MEIOSIN: variants seen among roughly 807,000 people sequenced by gnomAD.
The protein encoded by MEIOSIN is meiosis initiator protein.
MEIOSIN carries 18 observed loss-of-function variants against 23.4 expected under a neutral mutation model. The ratio of observed to expected loss-of-function variants is 0.77; its 90% CI spans 0.53 to 1.14. MEIOSIN has a LOEUF of 1.14. Among genes scored for constraint, MEIOSIN ranks in the 50% most tolerant of loss-of-function variants. MEIOSIN has a pLI of 0.00. For missense variants in MEIOSIN, 428 were observed against 242.9 expected, an observed-to-expected ratio of 1.76 and a Z score of -5.07; for synonymous variants, 187 against 100.6, an observed-to-expected ratio of 1.86 and a Z score of -5.14.
chr19:45,759,046 C>T lies in MEIOSIN; in HGVS notation c.1168+13C>T. 1 of 703,034 alleles carries T rather than the reference C, an allele frequency of 1.4e-6. No individual in the cohort carries two copies. Among genetic ancestry groups the T allele is most frequent in the South Asian group, 1.5e-5 (1 of 67,600 alleles). The allele number at this position is 703,034 out of a possible 1,614,324, so 43.5% of individuals were successfully genotyped here. On this transcript the variant is annotated intron_variant, in intron 10 of 14. Transcript: ENST00000457052. ...TACCTGACCCAAGGTGAGGCCCAGG[C>T]CTGGCCCTGATGCTTAGTTCATTCG...
chr19:45,761,730 C>G lies in MEIOSIN; in HGVS notation c.1297C>G (p.Arg433Gly), dbSNP rs536926335. ...CCCTCCTGAGTCCCACAGCCTGCAC[C>G]GGTCCTCAGTCTCGCTGGACCACTG... ...KDPPESHSLH[R>G]SSVSLDHCYL... Residue 433 changes from arginine to glycine, a missense_variant, in exon 12 of 15, where the codon CGG becomes GGG. Transcript: ENST00000457052. The G allele has an allele frequency of 1.7e-3, 1,202 of 703,082 alleles. 3 individuals are homozygous for G. Among genetic ancestry groups the G allele is most frequent in the Non-Finnish European group, 2.3e-3 (889 of 384,906 alleles). The allele number at this position is 703,082 out of a possible 1,614,324, so 43.6% of individuals were successfully genotyped here.
intron 3 of MEIOSIN, among the ~76,000 whole-genome samples, chr19:45,742,704 G>A (rs997660328): frequency 2.0e-5 from 3 of 151,918 alleles, no homozygotes; most frequent in Non-Finnish European, 4.4e-5. Flanking sequence ...TGAGGGTGAG[G>A]CTGAGGAGGC....
In MEIOSIN at chr19:45,762,282, C is replaced by T. The variant is rs906235885; in HGVS notation, c.1679+99C>T. On this transcript the variant is annotated intron_variant, in intron 13 of 14. Coordinates refer to ENST00000457052, the MANE Select transcript of MEIOSIN (RefSeq NM_001310124.2). Reference sequence around the variant, plus strand: ...TCCTCACAACTGTCTGACACTTTTTCCCCCTCCGAGACCCCACAAACCCTT... The same window carrying T: ...TCCTCACAACTGTCTGACACTTTTTTCCCCTCCGAGACCCCACAAACCCTT... 1.0e-5 allele frequency: 4 copies of T among 399,754 alleles called. No homozygotes were observed. The East Asian group carries it at 1.4e-4, about 14-fold the overall frequency. The allele number at this position is 399,754 out of a possible 1,614,324, so 24.8% of individuals were successfully genotyped here.
rs533020496 is a variant in MEIOSIN at position 45,742,343 on chromosome 19, G to T, written c.176+2613G>T. Among the ~76,000 whole-genome samples, 3 of 152,190 alleles carry T rather than the reference G, an allele frequency of 2.0e-5. No individual in the cohort carries two copies. In the South Asian group the frequency reaches 6.2e-4, roughly 32 times the overall value. ...AAAAATTTTAAAAATAGCCTGGCATGGTGGTGCATGCCTAAAGTCCCAGCT... is the reference window on the plus strand; with the variant it reads ...AAAAATTTTAAAAATAGCCTGGCATTGTGGTGCATGCCTAAAGTCCCAGCT... On this transcript the variant is annotated intron_variant, in intron 3 of 14. Coordinates refer to ENST00000457052, the MANE Select transcript of MEIOSIN (RefSeq NM_001310124.2).
intron 9 of MEIOSIN, among the ~76,000 whole-genome samples, chr19:45,758,486 G>A (rs1396870933): frequency 2.0e-5 from 3 of 151,934 alleles, no homozygotes; most frequent in Admixed American, 6.6e-5. Context: ...CTGGAGTGCA[G>A]TGGCACGATC....
chr19:45,753,851 C>T, intron 6 of MEIOSIN, 63 bp downstream of exon 6: 3 of 654,000 alleles, frequency 4.6e-6, no homozygotes, highest in Non-Finnish European at 8.3e-6. Context: ...GGCTCCTTCT[C>T]CAGGGATGTC....
Position 45,749,958 on chromosome 19 carries a change from C to T in MEIOSIN, c.307-717C>T, listed in dbSNP as rs188325752. On this transcript the variant is annotated intron_variant, in intron 4 of 14. Transcript: ENST00000457052. The stretch of plus-strand genomic sequence containing the variant: ...GGCAGAAGTTGCAGTGAGCTGAGAT[C>T]GTGCCATTGCACTCCAGCCTGGGCA... Among the ~76,000 whole-genome samples, 1,136 of 145,924 alleles carry T rather than the reference C, an allele frequency of 7.8e-3. 19 individuals are homozygous for T. The highest frequency in any genetic ancestry group is 0.027 in the African/African-American group (1,078 of 39,780).
At chr19:45,734,468 A>G (rs1019037765) in intron 1 of MEIOSIN, among the ~76,000 whole-genome samples, 2 of 152,038 alleles carry the variant, frequency 1.3e-5, no homozygotes, top group Admixed American at 6.6e-5. Flanking sequence ...GGGGTATCTC[A>G]GTATTAGAAT....
chr19:45,744,686 C>A (rs1968561697), intron 3 of MEIOSIN, among the ~76,000 whole-genome samples: 1 of 151,212 alleles, frequency 6.6e-6, no homozygotes, highest in South Asian at 2.1e-4. Flanking sequence ...TGGCTCACTG[C>A]AACTTCCACC....
chr19:45,749,106 C>T (rs1340077357), intron 4 of MEIOSIN, among the ~76,000 whole-genome samples: 2 of 151,538 alleles, frequency 1.3e-5, no homozygotes, highest in Middle Eastern at 3.2e-3. Context: ...TGTGGTGGCT[C>T]ATGCCTGTAA....
At chr19:45,755,269 T>A (rs1968802306) in intron 7 of MEIOSIN, among the ~76,000 whole-genome samples, 1 of 150,348 alleles carries the variant, frequency 6.7e-6, no homozygotes, top group Admixed American at 6.7e-5. Context: ...CCTGCCTCAG[T>A]CTCACGAGTA....
chr19:45,749,797 G>A (rs1175770669), intron 4 of MEIOSIN, among the ~76,000 whole-genome samples: 1 of 150,870 alleles, frequency 6.6e-6, no homozygotes, highest in Admixed American at 6.6e-5. Flanking sequence ...AAGGTCAGGA[G>A]TTCGTGACCA....
At chr19:45,738,845 C>G (rs768091046) in intron 2 of MEIOSIN, among the ~76,000 whole-genome samples, 1 of 152,176 alleles carries the variant, frequency 6.6e-6, no homozygotes, top group Non-Finnish European at 1.5e-5. Context: ...GCCTATCCTG[C>G]TGCCCATTCC....
At chr19:45,755,290 C>T (rs928172274) in intron 7 of MEIOSIN, among the ~76,000 whole-genome samples, 3 of 151,290 alleles carry the variant, frequency 2.0e-5, no homozygotes, top group Non-Finnish European at 4.4e-5. Flanking sequence ...GCTGGGATTA[C>T]AGGCGCGCAC....
At chr19:45,736,773 A>G (rs1158282347) in intron 2 of MEIOSIN, among the ~76,000 whole-genome samples, 5 of 147,742 alleles carry the variant, frequency 3.4e-5, no homozygotes, top group Admixed American at 6.8e-5. Context: ...GGGTTTCACC[A>G]TGTTAGCCAG....
At position 45,763,361 on chromosome 19, in the gene MEIOSIN, C is replaced by T; in HGVS notation, c.1703C>T (p.Thr568Ile). ...YIRSCPGTAS[T>I]AATKELAQLW... is the part of the protein sequence containing the mutation. ...AGATCCTGCCCTGGAACCGCTTCCA[C>T]AGCTGCCACCAAGGAGCTGGCCCAG... Residue 568 changes from threonine to isoleucine, a missense_variant, in exon 14 of 15, where the codon ACA becomes ATA. Physicochemically the swap from Thr to Ile is moderately conservative, Grantham distance 89 (BLOSUM62 -1). Transcript: ENST00000457052. 1 of 398,816 alleles carries T rather than the reference C, an allele frequency of 2.5e-6. No individual in the cohort carries two copies. The highest frequency in any genetic ancestry group is 4.4e-6 in the Non-Finnish European group (1 of 226,226). The allele number at this position is 398,816 out of a possible 1,614,324, so 24.7% of individuals were successfully genotyped here.
intron 3 of MEIOSIN, among the ~76,000 whole-genome samples, chr19:45,744,873 C>T (rs1456027938): frequency 6.6e-6 from 1 of 152,240 alleles, no homozygotes; most frequent in East Asian, 1.9e-4. Context: ...AAAGGTCACC[C>T]TGACTCTAGC....
At chr19:45,750,331 C>T (rs1968674930) in intron 4 of MEIOSIN, among the ~76,000 whole-genome samples, 1 of 144,132 alleles carries the variant, frequency 6.9e-6, no homozygotes, top group Admixed American at 7.0e-5. Flanking sequence ...TGTGCTCAAC[C>T]CTGTCTTTCT....
In MEIOSIN at chr19:45,761,794, G is replaced by T. The variant is rs902447508; in HGVS notation, c.1361G>T (p.Ser454Ile). The change falls in exon 12 of 15, where the codon AGC (serine) becomes ATC (isoleucine). Residue 454 changes from serine (S) to isoleucine (I), a missense_variant. Transcript: ENST00000457052. ...SLSGNSKAPS[S>I]SSSSSSSSSS... ...AGCGGGAACAGCAAGGCGCCATCCA[G>T]CTCCAGCTCCAGCTCCAGCTCCAGC... 8.7e-6 allele frequency: 6 copies of T among 685,840 alleles called. No individual in the cohort carries two copies. In the African/African-American group the frequency reaches 8.9e-5, roughly 10 times the overall value. 42.5% of individuals were successfully genotyped at this position (685,840 alleles called of 1,614,324 possible).
Sources: gnomAD v4.1 joint callset for allele counts (sites outside exome capture counted in the v4.1 genomes callset) on GRCh38, gnomAD v4.1.1 for gene constraint, MANE v1.5 for transcripts, NCBI Gene and HGNC (gene_info 2026-07-23, HGNC 2026-07-21) for gene names.